FOXN3: variants seen among roughly 807,000 people sequenced by gnomAD.
FOXN3 encodes the protein forkhead box protein N3.
A neutral mutation model predicts 38.4 loss-of-function variants in FOXN3; 7 were observed. That is an observed-to-expected ratio of 0.18 (90% CI 0.10 to 0.34). The LOEUF (loss-of-function observed/expected upper bound fraction) is 0.34, where lower values mean the gene tolerates loss of function less well. Among genes scored for constraint, FOXN3 ranks in the 10% least tolerant of loss-of-function variants. FOXN3 has a pLI of 1.00. For synonymous variants in FOXN3, 230 were observed against 242.2 expected (o/e 0.95, Z 0.47); for missense variants, 456 against 613.4 (o/e 0.74, Z 2.71).
intron 1 of FOXN3, among the ~76,000 whole-genome samples, chr14:89,452,365 G>A (rs918394077): frequency 6.6e-6 from 1 of 152,064 alleles, no homozygotes; most frequent in African/African-American, 2.4e-5. Context: ...AGGTTCCCTC[G>A]CCAAGCCCAT....
chr14:89,189,532 T>C (rs1998552), intron 4 of FOXN3, among the ~76,000 whole-genome samples: 123,453 of 152,270 alleles, frequency 0.81, 50,214 homozygotes, highest in African/African-American at 0.86. Flanking sequence ...TGAGCAGACC[T>C]TGGTAAACCA....
At chr14:89,271,777 T>C (rs1886156560) in intron 4 of FOXN3, among the ~76,000 whole-genome samples, 1 of 152,260 alleles carries the variant, frequency 6.6e-6, no homozygotes, top group Non-Finnish European at 1.5e-5. Flanking sequence ...CATCTTTTTG[T>C]CTTATTGTAA....
intron 1 of FOXN3, among the ~76,000 whole-genome samples, chr14:89,613,323 C>T (rs1197644390): frequency 6.6e-6 from 1 of 152,056 alleles, no homozygotes; most frequent in Non-Finnish European, 1.5e-5. Context: ...TGGCATGTAT[C>T]CTTCAGTTCA....
At chr14:89,615,587 C>T (rs1193299424) in intron 1 of FOXN3, among the ~76,000 whole-genome samples, 1 of 152,150 alleles carries the variant, frequency 6.6e-6, no homozygotes, top group Non-Finnish European at 1.5e-5. Flanking sequence ...ATTCTAGAAA[C>T]CAACAAATCC....
intron 4 of FOXN3, among the ~76,000 whole-genome samples, chr14:89,239,029 T>G (rs566081014): frequency 6.6e-6 from 1 of 152,232 alleles, no homozygotes; most frequent in South Asian, 2.1e-4. Flanking sequence ...AAAAAGAGAC[T>G]GCGAATGATC....
At chr14:89,530,949 T>G (rs988283406) in intron 1 of FOXN3, among the ~76,000 whole-genome samples, 5 of 147,614 alleles carry the variant, frequency 3.4e-5, no homozygotes, top group Non-Finnish European at 7.4e-5. Flanking sequence ...ATATATTATA[T>G]ATACATATAT....
chr14:89,324,463 T>C (rs1327032409), intron 3 of FOXN3, among the ~76,000 whole-genome samples: 3,527 of 151,666 alleles, frequency 0.023, 127 homozygotes, highest in African/African-American at 0.081. Context: ...TGTGTGTGTG[T>C]GTGTGTGTGT....
intron 3 of FOXN3, among the ~76,000 whole-genome samples, chr14:89,346,999 C>T (rs560616189): frequency 2.4e-4 from 37 of 151,822 alleles, no homozygotes; most frequent in African/African-American, 8.7e-4. Context: ...CCCTTTGACA[C>T]CCCTGCCCCC....
At chr14:89,282,987 T>A (rs570146280) in intron 3 of FOXN3, among the ~76,000 whole-genome samples, 1 of 152,210 alleles carries the variant, frequency 6.6e-6, no homozygotes, top group East Asian at 1.9e-4. Context: ...CTGTGGAACT[T>A]ATCTGTACTC....
chr14:89,439,145 G>A (rs1395059297), intron 1 of FOXN3, among the ~76,000 whole-genome samples: 1 of 152,110 alleles, frequency 6.6e-6, no homozygotes, highest in Non-Finnish European at 1.5e-5. Context: ...CCCTGTGTGT[G>A]CCTTCTATAT....
intron 1 of FOXN3, among the ~76,000 whole-genome samples, chr14:89,488,075 G>A (rs1484235464): frequency 6.6e-6 from 1 of 151,170 alleles, no homozygotes; most frequent in Non-Finnish European, 1.5e-5. Flanking sequence ...ACAGGTAAGA[G>A]CTAGGGGCTC....
At chr14:89,531,501 A>G (rs532416528) in intron 1 of FOXN3, among the ~76,000 whole-genome samples, 27 of 152,312 alleles carry the variant, frequency 1.8e-4, no homozygotes, top group African/African-American at 6.3e-4. Context: ...AGTGCCTAGG[A>G]GTTCTGATTT....
chr14:89,553,682 CG>C (rs1895056511), intron 1 of FOXN3, among the ~76,000 whole-genome samples: 1 of 152,070 alleles, frequency 6.6e-6, no homozygotes, highest in South Asian at 2.1e-4. Flanking sequence ...ATCGCTCATC[CG>C]GAAGTCAGGG....
At chr14:89,505,526 C>T (rs1484715076) in intron 1 of FOXN3, among the ~76,000 whole-genome samples, 2 of 152,212 alleles carry the variant, frequency 1.3e-5, no homozygotes, top group African/African-American at 4.8e-5. Context: ...ATCCGCCAGC[C>T]TCGGCCTCCC....
chr14:89,533,065 G>GCA (rs986378733), intron 1 of FOXN3, among the ~76,000 whole-genome samples: 45 of 152,166 alleles, frequency 3.0e-4, no homozygotes, highest in African/African-American at 1.0e-3. Context: ...AGAATAAAAA[G>GCA]TATATAAAAA....
intron 4 of FOXN3, among the ~76,000 whole-genome samples, chr14:89,254,776 AG>A (rs1309158215): frequency 3.3e-5 from 5 of 151,812 alleles, no homozygotes; most frequent in Non-Finnish European, 7.4e-5. Context: ...AGGCCTTCCT[AG>A]GGGGCCTGAG....
intron 1 of FOXN3, among the ~76,000 whole-genome samples, chr14:89,613,072 G>A (rs1172040702): frequency 5.9e-5 from 8 of 136,570 alleles, no homozygotes; most frequent in South Asian, 4.6e-4. Flanking sequence ...AGCCGAGATC[G>A]CGCCATTGCA....
At chr14:89,533,610 G>C (rs865875569) in intron 1 of FOXN3, among the ~76,000 whole-genome samples, 14 of 143,366 alleles carry the variant, frequency 9.8e-5, no homozygotes, top group African/African-American at 3.1e-4. Flanking sequence ...TGCAGTGAGC[G>C]GAGATCGCAC....
At chr14:89,506,108 C>T (rs1408534775) in intron 1 of FOXN3, among the ~76,000 whole-genome samples, 1,835 of 105,780 alleles carry the variant, frequency 0.017, 33 homozygotes, top group African/African-American at 0.057. Context: ...CCGCCCCGTC[C>T]GGGAGGTGAG....
Sources: allele counts gnomAD v4.1 joint callset (sites outside exome capture counted in the v4.1 genomes callset), GRCh38; gene constraint gnomAD v4.1.1; transcripts MANE v1.5; gene names NCBI Gene and HGNC (gene_info 2026-07-23, HGNC 2026-07-21).